ANK2: variants seen among roughly 807,000 people sequenced by gnomAD.
The protein encoded by ANK2 is ankyrin 2.
Under a neutral mutation model 360.5 loss-of-function variants are expected in ANK2, and 83 were observed. The observed-to-expected ratio is 0.23, with a 90% CI of 0.19 to 0.28. ANK2 has a LOEUF of 0.28. ANK2 is among the 10% of genes least tolerant of loss of function. The probability of loss-of-function intolerance (pLI) is 1.00; values close to 1 mark genes in which losing one functional copy is unlikely to be tolerated. For missense variants in ANK2, 4,201 were observed against 4,795.7 expected (o/e 0.88, Z 3.66); for synonymous variants, 1,740 against 1,759.5 (o/e 0.99, Z 0.28).
intron 2 of ANK2, among the ~76,000 whole-genome samples, chr4:113,023,882 G>A (rs2058696738): frequency 6.6e-6 from 1 of 152,132 alleles, no homozygotes; most frequent in Non-Finnish European, 1.5e-5. Flanking sequence ...AACCCTTTCT[G>A]TAGAAGACAT....
rs117541063 is a variant in ANK2, at chr4:112,945,065, A to G, written c.21+40551A>G. On this transcript the variant is annotated intron_variant, in intron 2 of 30. Coordinates refer to the ANK2 transcript ENST00000503271. ...CTAACCTTAGTTGCTTACAATCACA[A>G]AGGTGTATCTTTTCCTCATACCACA... is the stretch of plus-strand genomic sequence containing the variant. Among the ~76,000 whole-genome samples, 90 of 152,326 alleles carry G rather than the reference A, an allele frequency of 5.9e-4. 3 individuals are homozygous for G. In the East Asian group the frequency reaches 0.015, roughly 25 times the overall value.
At chr4:113,036,158 A>G (rs192952870) in intron 2 of ANK2, among the ~76,000 whole-genome samples, 15 of 151,974 alleles carry the variant, frequency 9.9e-5, no homozygotes, top group Admixed American at 5.3e-4. Context: ...CTGATATTGA[A>G]TCACTGGCCA....
intron 4 of ANK2, among the ~76,000 whole-genome samples, chr4:113,228,756 A>G (rs1219134475): frequency 6.6e-6 from 1 of 151,912 alleles, no homozygotes; most frequent in Non-Finnish European, 1.5e-5. Context: ...CTTTTCTCCT[A>G]CTTTAGCTCA....
At chr4:112,832,249 C>T (rs985447850) in intron 1 of ANK2, among the ~76,000 whole-genome samples, 1 of 152,180 alleles carries the variant, frequency 6.6e-6, no homozygotes, top group African/African-American at 2.4e-5. Flanking sequence ...GACAGGGTTT[C>T]ACCCTGTTAA....
intron 2 of ANK2, among the ~76,000 whole-genome samples, chr4:112,913,414 C>T (rs1046219941): frequency 1.7e-4 from 26 of 152,208 alleles, no homozygotes; most frequent in African/African-American, 6.3e-4. Context: ...ATCCTACCAC[C>T]TCAACCTCCT....
At chr4:112,974,659 C>T (rs143351164) in intron 2 of ANK2, among the ~76,000 whole-genome samples, 41 of 152,254 alleles carry the variant, frequency 2.7e-4, no homozygotes, top group Non-Finnish European at 1.5e-4. Context: ...CTCCTTTATC[C>T]TCAGGAAAAT....
chr4:113,236,462 T>C (rs150327919), intron 5 of ANK2, among the ~76,000 whole-genome samples: 1 of 152,380 alleles, frequency 6.6e-6, no homozygotes, highest in African/African-American at 2.4e-5. Flanking sequence ...TTTTAGATCA[T>C]ATTGTTCCCT....
intron 1 of ANK2, among the ~76,000 whole-genome samples, chr4:112,896,295 CTA>C (rs1439512885): frequency 6.6e-6 from 1 of 152,160 alleles, no homozygotes; most frequent in African/African-American, 2.4e-5. Flanking sequence ...AGACTATGGG[CTA>C]TAGGTTCTGT....
intron 2 of ANK2, among the ~76,000 whole-genome samples, chr4:113,182,812 A>G (rs1011652073): frequency 1.3e-5 from 2 of 152,218 alleles, no homozygotes; most frequent in Non-Finnish European, 1.5e-5. Context: ...GACTGCTTCA[A>G]GGGCTCTTTC....
At chr4:113,337,991 G>A (rs1312924738) in intron 31 of ANK2, among the ~76,000 whole-genome samples, 5 of 151,990 alleles carry the variant, frequency 3.3e-5, no homozygotes, top group Non-Finnish European at 7.4e-5. Flanking sequence ...ATTTATTCCA[G>A]CACAATGTCT....
chr4:113,002,358 T>A (rs2154287360), intron 2 of ANK2, among the ~76,000 whole-genome samples: 1 of 152,350 alleles, frequency 6.6e-6, no homozygotes, highest in Non-Finnish European at 1.5e-5. Context: ...GTGGCATGTA[T>A]ACACCATGGA....
At chr4:113,128,399 AG>A (rs1207015358) in intron 1 of ANK2, among the ~76,000 whole-genome samples, 3 of 152,274 alleles carry the variant, frequency 2.0e-5, no homozygotes, top group African/African-American at 7.2e-5. Context: ...ATATCACCAT[AG>A]TCCCCCTTTT....
intron 1 of ANK2, among the ~76,000 whole-genome samples, chr4:112,895,972 T>C (rs894873023): frequency 1.5e-4 from 23 of 152,238 alleles, no homozygotes; most frequent in African/African-American, 5.5e-4. Flanking sequence ...GTGTTGCATT[T>C]GTGAGTCAAA....
chr4:113,330,972 A>G (rs1035802663), intron 27 of ANK2, among the ~76,000 whole-genome samples: 1 of 152,174 alleles, frequency 6.6e-6, no homozygotes, highest in East Asian at 1.9e-4. Flanking sequence ...GAGCCTTATC[A>G]TTACATTGGC....
the ANK2 span, among the ~76,000 whole-genome samples, chr4:112,765,459 A>G: frequency 2.0e-5 from 3 of 151,980 alleles, no homozygotes; most frequent in African/African-American, 7.2e-5. Context: ...TCAAAGCTCT[A>G]TTTCACTGTT....
intron 4 of ANK2, among the ~76,000 whole-genome samples, chr4:113,218,984 T>C (rs1474879698): frequency 2.6e-5 from 4 of 152,172 alleles, no homozygotes; most frequent in Admixed American, 2.6e-4. Flanking sequence ...CCTATAGCGA[T>C]TGTTATTGAC....
intron 1 of ANK2, among the ~76,000 whole-genome samples, chr4:112,865,586 CA>C (rs1298433305): frequency 1.3e-5 from 2 of 152,086 alleles, no homozygotes; most frequent in African/African-American, 4.8e-5. Context: ...GGGAAAACAA[CA>C]TGTGGTGTGG....
At position 113,332,048 on chromosome 4, in the gene ANK2, C is replaced by T; in HGVS notation, c.3202C>T (p.Pro1068Ser). ...SLVSRILQLG[P>S]PGTKFLGPVI... is the part of the protein sequence containing the mutation. The stretch of plus-strand genomic sequence containing the variant: ...GGTCAGCCGCATTCTTCAGCTGGGG[C>T]CTCCTGGAACCAAATTCCTTGGGTA... Residue 1068 changes from proline to serine, a missense_variant, in exon 28 of 46, where the codon CCT (proline) becomes TCT (serine). Physicochemically the swap from Pro to Ser is moderately conservative, Grantham distance 74. Transcript: ENST00000357077. 6.2e-7 allele frequency: 1 copy of T among 1,614,052 alleles called. No homozygotes were observed. Among genetic ancestry groups the T allele is most frequent in the Non-Finnish European group, 8.5e-7 (1 of 1,179,932 alleles).
In ANK2 at chr4:113,000,627, A is replaced by G. The variant is rs192650006; in HGVS notation, c.21+96113A>G. On this transcript the variant is annotated intron_variant, in intron 2 of 30. Transcript: ENST00000503271. ...CAGTGACATAGAATGATATGAAAAA[A>G]ATTATGAGTTTAGAAAAGTTGAACA... 7.6e-3 allele frequency among the ~76,000 whole-genome samples: 1,160 copies of G among 152,320 alleles called. 10 individuals carry two copies. Among genetic ancestry groups the G allele is most frequent in the Non-Finnish European group, 0.014 (928 of 68,028 alleles).
Sources: gnomAD v4.1 joint callset for allele counts (sites outside exome capture counted in the v4.1 genomes callset) on GRCh38, gnomAD v4.1.1 for gene constraint, MANE v1.5 for transcripts, NCBI Gene and HGNC (gene_info 2026-07-23, HGNC 2026-07-21) for gene names.